RAVER2: variants seen among roughly 807,000 people sequenced by gnomAD.
RAVER2 encodes ribonucleoprotein PTB-binding 2.
Under a neutral mutation model 78.1 loss-of-function variants are expected in RAVER2, and 46 were observed. The observed-to-expected ratio is 0.59, with a 90% confidence interval of 0.46 to 0.75. The LOEUF (loss-of-function observed/expected upper bound fraction) is 0.75. Among genes scored for constraint, RAVER2 ranks in the 30% least tolerant of loss-of-function variants. RAVER2 has a pLI of 0.00. For synonymous variants in RAVER2, 311 were observed against 313.3 expected, an observed-to-expected ratio of 0.99 and a Z score of 0.08; for missense variants, 793 against 837.5, an observed-to-expected ratio of 0.95 and a Z score of 0.66.
intron 11 of RAVER2, among the ~76,000 whole-genome samples, chr1:64,830,206 G>A (rs141641027): frequency 5.8e-4 from 88 of 152,318 alleles, no homozygotes; most frequent in African/African-American, 2.0e-3. Context: ...TTACTGTGCT[G>A]ATCACTGTGA....
At chr1:64,751,887 C>T (rs1409283748) in intron 1 of RAVER2, among the ~76,000 whole-genome samples, 2 of 151,758 alleles carry the variant, frequency 1.3e-5, no homozygotes, top group African/African-American at 4.8e-5. Context: ...TTTTTAAATC[C>T]TAAAATTGCT....
At chr1:64,751,069 G>T (rs1342065661) in intron 1 of RAVER2, among the ~76,000 whole-genome samples, 2 of 152,226 alleles carry the variant, frequency 1.3e-5, no homozygotes, top group Non-Finnish European at 2.9e-5. Flanking sequence ...AATACTTTGT[G>T]GTTAGCATCA....
chr1:64,751,185 A>G (rs1191553653), intron 1 of RAVER2, among the ~76,000 whole-genome samples: 1 of 152,250 alleles, frequency 6.6e-6, no homozygotes, highest in Admixed American at 6.5e-5. Flanking sequence ...AACTTGTGAC[A>G]TGTTTTCACA....
In RAVER2 at chr1:64,814,610, CTT is replaced by C. The variant is rs949600547; in HGVS notation, c.1793-93_1793-92del. 5.4e-5 allele frequency: 36 copies of C among 668,822 alleles called. 1 individual carries two copies. Among genetic ancestry groups the C allele is most frequent in the South Asian group, 2.1e-4 (3 of 14,118 alleles). 41.4% of individuals were successfully genotyped at this position (668,822 alleles called of 1,614,324 possible). A position where few individuals can be genotyped will look rare whatever the true frequency, so the allele number is the denominator to read the frequency against. On this transcript the variant is annotated intron_variant, in intron 10 of 11. Transcript: ENST00000294428. Reference sequence around the variant, plus strand: ...AAAATATAATTTGTTTATAATATAACTTATAATAAAATAATTTATTTAAAATA... The same window carrying C: ...AAAATATAATTTGTTTATAATATAACATAATAAAATAATTTATTTAAAATA...
Position 64,768,644 on chromosome 1 carries a change from T to C in RAVER2, c.250-12T>C. On this transcript the variant is annotated splice_polypyrimidine_tract_variant and intron_variant, in intron 1 of 11. Transcript: ENST00000294428. ...TGTATGTTTACTGAATTCGTGTTTT[T>C]TTCTCTTTCAGGAAGTTCATGATTT... 3 of 1,524,242 alleles carry C rather than the reference T, an allele frequency of 2.0e-6. No homozygotes were observed. The highest frequency in any genetic ancestry group is 1.4e-5 in the African/African-American group (1 of 72,724). The allele number at this position is 1,524,242 out of a possible 1,614,324, so 94.4% of individuals were successfully genotyped here.
At chr1:64,746,813 A>G (rs1428006460) in intron 1 of RAVER2, among the ~76,000 whole-genome samples, 1 of 152,192 alleles carries the variant, frequency 6.6e-6, no homozygotes, top group Admixed American at 6.5e-5. Flanking sequence ...CCCTGCCCAT[A>G]CAAATAGAGG....
chr1:64,805,195 G>A, intron 8 of RAVER2, 90 bp downstream of exon 8: 1 of 1,223,374 alleles, frequency 8.2e-7, no homozygotes, highest in South Asian at 1.5e-5. Context: ...TATTTACAGG[G>A]AGGTCAAATT....
intron 10 of RAVER2, among the ~76,000 whole-genome samples, chr1:64,814,357 C>A (rs554715557): frequency 6.6e-6 from 1 of 152,088 alleles, no homozygotes; most frequent in Non-Finnish European, 1.5e-5. Flanking sequence ...CCCACCTTGG[C>A]CTCTCAAAGT....
chr1:64,781,909 T>G (rs542142583), intron 4 of RAVER2, among the ~76,000 whole-genome samples: 33 of 152,344 alleles, frequency 2.2e-4, no homozygotes, highest in African/African-American at 7.2e-4. Context: ...TCTTTTCTTT[T>G]TTTTTAAATT....
At chr1:64,788,388 C>T (rs1038846858) in intron 4 of RAVER2, among the ~76,000 whole-genome samples, 4 of 151,858 alleles carry the variant, frequency 2.6e-5, no homozygotes, top group Admixed American at 6.6e-5. Context: ...AGGAGAATGG[C>T]GTGAACCCAG....
intron 11 of RAVER2, among the ~76,000 whole-genome samples, chr1:64,820,579 G>A (rs542608374): frequency 6.6e-6 from 1 of 152,212 alleles, no homozygotes; most frequent in African/African-American, 2.4e-5. Context: ...CCACCCTCAT[G>A]TAGACAGCAG....
At chr1:64,823,630 A>G (rs1200016803) in intron 11 of RAVER2, among the ~76,000 whole-genome samples, 1 of 152,150 alleles carries the variant, frequency 6.6e-6, no homozygotes, top group African/African-American at 2.4e-5. Context: ...TTAAACACCT[A>G]AATCTAACAT....
At chr1:64,830,547 A>G (rs1429610444) in intron 11 of RAVER2, among the ~76,000 whole-genome samples, 2 of 152,334 alleles carry the variant, frequency 1.3e-5, no homozygotes, top group Non-Finnish European at 2.9e-5. Flanking sequence ...AGCTGTGATC[A>G]GCAGAAGCAG....
At chr1:64,772,116 C>G (rs913484727) in intron 2 of RAVER2, among the ~76,000 whole-genome samples, 5 of 152,046 alleles carry the variant, frequency 3.3e-5, no homozygotes, top group African/African-American at 1.2e-4. Flanking sequence ...ATCCCAAATT[C>G]CCTTACAGCC....
chr1:64,778,035 G>A (rs868295060), exon 3 of RAVER2: 1 of 1,613,874 alleles, frequency 6.2e-7, no homozygotes, highest in Non-Finnish European at 8.5e-7. Context: ...GTGACTACAG[G>A]GATTCAGAAG....
intron 2 of RAVER2, among the ~76,000 whole-genome samples, chr1:64,771,065 C>T (rs182839008): frequency 3.4e-4 from 52 of 152,030 alleles, no homozygotes; most frequent in African/African-American, 1.1e-3. Context: ...CCACAGAGCT[C>T]AACCAACTTC....
At chr1:64,825,351 C>T (rs990068321) in intron 11 of RAVER2, among the ~76,000 whole-genome samples, 17 of 152,086 alleles carry the variant, frequency 1.1e-4, no homozygotes, top group African/African-American at 4.1e-4. Context: ...TTTTGGTTCT[C>T]CGTATACCTG....
At chr1:64,787,104 CATGTT>C (rs1476830136) in intron 4 of RAVER2, among the ~76,000 whole-genome samples, 1 of 152,162 alleles carries the variant, frequency 6.6e-6, no homozygotes, top group African/African-American at 2.4e-5. Flanking sequence ...GCTTGTCCTT[CATGTT>C]ATGAGTAAAA....
chr1:64,779,256 G>A (rs994211717), intron 3 of RAVER2, among the ~76,000 whole-genome samples: 84 of 152,058 alleles, frequency 5.5e-4, no homozygotes, highest in African/African-American at 2.0e-3. Context: ...CTGAAATGTT[G>A]CATCTTTTGA....
Sources: gnomAD v4.1 joint callset for allele counts (sites outside exome capture counted in the v4.1 genomes callset) on GRCh38, gnomAD v4.1.1 for gene constraint, MANE v1.5 for transcripts, NCBI Gene and HGNC (gene_info 2026-07-23, HGNC 2026-07-21) for gene names.